PPP2R2C: variants seen among roughly 807,000 people sequenced by gnomAD.
The protein encoded by PPP2R2C is protein phosphatase 2 regulatory subunit Bgamma.
Under a neutral mutation model 45.3 loss-of-function variants are expected in PPP2R2C, and 10 were observed. The observed-to-expected ratio is 0.22, with a 90% CI of 0.14 to 0.37. PPP2R2C has a LOEUF of 0.37. PPP2R2C is among the 10% of genes least tolerant of loss of function. PPP2R2C has a pLI of 1.00. For synonymous variants in PPP2R2C, 257 were observed against 245.4 expected (o/e 1.05, Z -0.44); for missense variants, 308 against 619.7 (o/e 0.50, Z 5.34).
rs576007761 is a variant in PPP2R2C, at chr4:6,549,720, G to A, written c.-59+13840C>T. On this transcript the variant is annotated intron_variant, in intron 1 of 9. Coordinates refer to the PPP2R2C transcript ENST00000506140. ...GGATAACGGGAGGCACCTGCAGCAC[G>A]GGCAGTAGCTGGAGCCCACGGATGA... 7.2e-5 allele frequency among the ~76,000 whole-genome samples: 11 copies of A among 152,310 alleles called. No homozygotes were observed. The South Asian group carries it at 1.2e-3, about 17-fold the overall frequency.
At position 6,322,423 on chromosome 4, in the gene PPP2R2C, G is replaced by A. The variant is rs1050233025; in HGVS notation, c.*879C>T. On this transcript the variant is annotated 3_prime_UTR_variant, in exon 9 of 9. Transcript: ENST00000382599. The surrounding 1 kb of genome is among the most constrained non-coding windows in gnomAD (Gnocchi z 7.8). ...GAATGAACACCCACCTCACAGTCAGGAGGAAGATTCCAAAAAATCGTGCAT... is the reference window on the plus strand; with the variant it reads ...GAATGAACACCCACCTCACAGTCAGAAGGAAGATTCCAAAAAATCGTGCAT... The A allele has an allele frequency of 6.6e-6, 1 of 152,286 alleles. No homozygotes were observed. The highest frequency in any genetic ancestry group is 2.4e-5 in the African/African-American group (1 of 41,464). The allele number at this position is 152,286 out of a possible 1,614,324, so 9.4% of individuals were successfully genotyped here. A position where few individuals can be genotyped will look rare whatever the true frequency, so the allele number is the denominator to read the frequency against.
At position 6,554,614 on chromosome 4, in the gene PPP2R2C, C is replaced by A. The variant is rs143045195; in HGVS notation, c.-59+8946G>T. 1.7e-3 allele frequency among the ~76,000 whole-genome samples: 256 copies of A among 152,256 alleles called. 2 individuals are homozygous for A. Among genetic ancestry groups the A allele is most frequent in the African/African-American group, 5.8e-3 (243 of 41,546 alleles). On this transcript the variant is annotated intron_variant, in intron 1 of 9. Transcript: ENST00000506140. ...GTGGCTCACACCTGCAATCCCAGCA[C>A]TTTGGGAGGCCAAGGCAGGCAGAGT...
At chr4:6,549,192 A>G (rs1324144262) in intron 1 of PPP2R2C, among the ~76,000 whole-genome samples, 1 of 152,066 alleles carries the variant, frequency 6.6e-6, no homozygotes, top group Non-Finnish European at 1.5e-5. Flanking sequence ...TTTGCCCCCC[A>G]CAAAGTCCAT....
At chr4:6,453,740 A>G (rs139466279) in intron 1 of PPP2R2C, among the ~76,000 whole-genome samples, 208 of 152,282 alleles carry the variant, frequency 1.4e-3, no homozygotes, top group African/African-American at 4.8e-3. Flanking sequence ...CCAAGCAGAA[A>G]ATTCAGCCCA....
At chr4:6,427,672 A>C (rs1460820971) in intron 1 of PPP2R2C, among the ~76,000 whole-genome samples, 1 of 152,204 alleles carries the variant, frequency 6.6e-6, no homozygotes, top group Non-Finnish European at 1.5e-5. Flanking sequence ...ACTCATCAGT[A>C]TGCTCGGTGA....
intron 1 of PPP2R2C, among the ~76,000 whole-genome samples, chr4:6,537,761 A>G (rs1208638304): frequency 3.3e-5 from 5 of 152,134 alleles, no homozygotes; most frequent in Non-Finnish European, 7.4e-5. Context: ...TATGTTAGCC[A>G]GGATGGTCTC....
At chr4:6,339,468 C>G (rs1386650895) in intron 6 of PPP2R2C, among the ~76,000 whole-genome samples, 1 of 152,270 alleles carries the variant, frequency 6.6e-6, no homozygotes, top group Non-Finnish European at 1.5e-5. Flanking sequence ...GAAGCCTCAG[C>G]CAGCCTGGGG....
chr4:6,348,220 C>G (rs1345764391), intron 5 of PPP2R2C, among the ~76,000 whole-genome samples: 1 of 151,788 alleles, frequency 6.6e-6, no homozygotes, highest in East Asian at 1.9e-4. Context: ...GTGCCTGTCC[C>G]CTGTTCCCAT....
chr4:6,521,363 G>A (rs530179554), intron 2 of PPP2R2C, among the ~76,000 whole-genome samples: 2 of 152,326 alleles, frequency 1.3e-5, no homozygotes, highest in East Asian at 3.9e-4. Flanking sequence ...ACTGCCTCCA[G>A]GATCTTCTCA....
At chr4:6,510,271 C>T (rs1044103721) in intron 2 of PPP2R2C, among the ~76,000 whole-genome samples, 1 of 148,870 alleles carries the variant, frequency 6.7e-6, no homozygotes, top group South Asian at 2.3e-4. Context: ...CCTGAAGATT[C>T]ACTAGCCTCT....
intron 1 of PPP2R2C, among the ~76,000 whole-genome samples, chr4:6,461,009 C>T (rs369130559): frequency 2.6e-5 from 4 of 152,264 alleles, no homozygotes; most frequent in African/African-American, 7.2e-5. Context: ...CCCCTCTCTA[C>T]ACAGGATGCC....
intron 2 of PPP2R2C, among the ~76,000 whole-genome samples, chr4:6,512,392 G>C (rs376313898): frequency 1.6e-5 from 2 of 128,400 alleles, no homozygotes; most frequent in Admixed American, 7.6e-5. Context: ...GGTGGTGATG[G>C]TGGTGGTGGT....
intron 1 of PPP2R2C, among the ~76,000 whole-genome samples, chr4:6,394,710 T>A (rs2109338701): frequency 6.6e-6 from 1 of 152,356 alleles, no homozygotes; most frequent in African/African-American, 2.4e-5. Context: ...CCAGATGGCC[T>A]GGCTGGCTTC....
At chr4:6,337,621 G>C (rs1733081752) in intron 6 of PPP2R2C, among the ~76,000 whole-genome samples, 1 of 152,180 alleles carries the variant, frequency 6.6e-6, no homozygotes, top group South Asian at 2.1e-4. Context: ...GTTCCCAGCA[G>C]GACTTGCGGG....
chr4:6,441,009 C>T (rs187885945), intron 1 of PPP2R2C, among the ~76,000 whole-genome samples: 28 of 152,092 alleles, frequency 1.8e-4, no homozygotes, highest in African/African-American at 6.3e-4. Flanking sequence ...CTCAAAGTGT[C>T]CTGATCAGGA....
intron 1 of PPP2R2C, among the ~76,000 whole-genome samples, chr4:6,391,059 T>A (rs541703491): frequency 6.6e-6 from 1 of 152,188 alleles, no homozygotes; most frequent in South Asian, 2.1e-4. Context: ...GAGGAAAATG[T>A]GAAGGGGCTG....
At position 6,329,393 on chromosome 4, in the gene PPP2R2C, C is replaced by G; in HGVS notation, c.961-40G>C. On this transcript the variant is annotated intron_variant, in intron 7 of 8. Transcript: ENST00000382599. This position sits in a 1 kb window ranked among gnomAD's most constrained non-coding sequence, Gnocchi z 5.8. ...GATGAGGTGAGTGGACGGGGCGTCC[C>G]GACCATCCTGGCCCTTCCACAAGAA... 6.4e-7 allele frequency: 1 copy of G among 1,556,894 alleles called. No homozygotes were observed. Among genetic ancestry groups the G allele is most frequent in the Non-Finnish European group, 8.9e-7 (1 of 1,128,830 alleles).
At chr4:6,560,299 G>A (rs1456366862) in intron 1 of PPP2R2C, among the ~76,000 whole-genome samples, 3 of 152,250 alleles carry the variant, frequency 2.0e-5, no homozygotes, top group Non-Finnish European at 2.9e-5. Context: ...TCTTCTGGAA[G>A]CAACTCCAAG....
At chr4:6,373,395 A>G (rs16838654) in intron 4 of PPP2R2C, among the ~76,000 whole-genome samples, 4,506 of 152,200 alleles carry the variant, frequency 0.03, 224 homozygotes, top group African/African-American at 0.1. Flanking sequence ...CTTTCATCTC[A>G]GACAGTTGGT....
Sources: gnomAD v4.1 joint callset for allele counts (sites outside exome capture counted in the v4.1 genomes callset) on GRCh38, gnomAD v4.1.1 for gene constraint, Gnocchi (gnomAD v3.1) non-coding constraint, MANE v1.5 for transcripts, NCBI Gene and HGNC (gene_info 2026-07-23, HGNC 2026-07-21) for gene names.